The following LDLRAD3 variants were observed in gnomAD, a reference collection of about 807,000 sequenced individuals.
LDLRAD3 encodes low-density lipoprotein receptor class A domain-containing protein 3.
LDLRAD3 carries 20 observed loss-of-function variants against 29.4 expected under a neutral mutation model. The observed-to-expected ratio is 0.68, with a 90% confidence interval of 0.48 to 0.99. The LOEUF is 0.99. LDLRAD3 is among the 50% of genes least tolerant of loss of function. LDLRAD3 has a pLI of 0.00. For missense variants in LDLRAD3, 420 were observed against 454.3 expected, an observed-to-expected ratio of 0.92 and a Z score of 0.69; for synonymous variants, 157 against 192.7, an observed-to-expected ratio of 0.81 and a Z score of 1.53.
At chr11:36,031,155 T>C (rs2133205922) in intron 1 of LDLRAD3, among the ~76,000 whole-genome samples, 1 of 152,230 alleles carries the variant, frequency 6.6e-6, no homozygotes, top group South Asian at 2.1e-4. Context: ...AATGGGCAAC[T>C]CTTTTTCATT....
intron 4 of LDLRAD3, among the ~76,000 whole-genome samples, chr11:36,189,377 G>A (rs925636554): frequency 2.6e-5 from 4 of 152,040 alleles, no homozygotes; most frequent in Non-Finnish European, 4.4e-5. Context: ...CCAGCTACAT[G>A]AGAGGCTGAG....
chr11:36,085,176 T>G (rs1399051888), intron 3 of LDLRAD3, among the ~76,000 whole-genome samples: 1 of 152,182 alleles, frequency 6.6e-6, no homozygotes, highest in Non-Finnish European at 1.5e-5. Flanking sequence ...TCACCTTCAT[T>G]CCTAAAGGAT....
intron 4 of LDLRAD3, among the ~76,000 whole-genome samples, chr11:36,180,676 G>C (rs1329448027): frequency 6.6e-6 from 1 of 152,046 alleles, no homozygotes; most frequent in Non-Finnish European, 1.5e-5. Flanking sequence ...TCTGGCTGCT[G>C]TGTTGAGAAT....
chr11:35,963,370 A>G (rs1565127498), intron 1 of LDLRAD3, among the ~76,000 whole-genome samples: 1 of 151,892 alleles, frequency 6.6e-6, no homozygotes. Context: ...TGACAGTTAG[A>G]TGTCAGAACC....
At chr11:36,056,899 A>G (rs552729309) in intron 2 of LDLRAD3, among the ~76,000 whole-genome samples, 1 of 152,272 alleles carries the variant, frequency 6.6e-6, no homozygotes, top group Admixed American at 6.5e-5. Context: ...CAAACTTTAT[A>G]TGCATTCAAA....
intron 4 of LDLRAD3, among the ~76,000 whole-genome samples, chr11:36,109,230 CG>C (rs1565228981): frequency 1.3e-5 from 2 of 151,968 alleles, no homozygotes; most frequent in East Asian, 1.9e-4. Flanking sequence ...TTGTCATGGA[CG>C]GGGGAAGAAC....
At chr11:36,199,458 C>T (rs1392014295) in intron 4 of LDLRAD3, among the ~76,000 whole-genome samples, 1 of 152,176 alleles carries the variant, frequency 6.6e-6, no homozygotes, top group East Asian at 1.9e-4. Context: ...TCCTCCTCAT[C>T]TACTCAATAC....
intron 1 of LDLRAD3, among the ~76,000 whole-genome samples, chr11:35,997,075 C>T (rs1851764308): frequency 6.6e-6 from 1 of 152,158 alleles, no homozygotes; most frequent in Non-Finnish European, 1.5e-5. Flanking sequence ...ACATACAGCA[C>T]TTGGCATACA....
chr11:36,045,408 T>C (rs1377633236), intron 2 of LDLRAD3, among the ~76,000 whole-genome samples: 1 of 152,198 alleles, frequency 6.6e-6, no homozygotes, highest in Non-Finnish European at 1.5e-5. Flanking sequence ...CAACAGATAT[T>C]TATTCTTTCA....
chr11:36,198,001 T>G (rs1855060721), intron 4 of LDLRAD3: 1 of 152,126 alleles, frequency 6.6e-6, no homozygotes, highest in African/African-American at 2.4e-5. Context: ...CAGTGAGCTA[T>G]GTTTGTACTG....
chr11:36,121,191 G>A, intron 4 of LDLRAD3, among the ~76,000 whole-genome samples: 1 of 152,204 alleles, frequency 6.6e-6, no homozygotes, highest in East Asian at 1.9e-4. Context: ...TCCAGACAGA[G>A]CAGCAGTGGC....
intron 1 of LDLRAD3, among the ~76,000 whole-genome samples, chr11:36,016,575 C>T (rs943423957): frequency 3.3e-5 from 5 of 152,290 alleles, no homozygotes; most frequent in African/African-American, 1.2e-4. Flanking sequence ...TGGCCGCTTT[C>T]GTAAGTTCTC....
In LDLRAD3 at chr11:36,227,214, A is replaced by C; in HGVS notation, c.584A>C (p.His195Pro). The C allele has an allele frequency of 6.2e-7, 1 of 1,614,132 alleles. No homozygotes were observed. The highest frequency in any genetic ancestry group is 1.1e-5 in the South Asian group (1 of 91,078). ...LVVALLALVL[H>P]HQRKRNNLMT... ...GTGGCCCTGCTGGCACTGGTCTTGC[A>C]CCACCAGCGGAAGCGGAACAACCTC... Residue 195 changes from histidine (H) to proline (P), a missense_variant, in exon 5 of 6, where the codon CAC (histidine) becomes CCC (proline). By Grantham distance (77) the His-to-Pro change is moderately conservative. Around this residue, in one of 3 missense-constraint regions of LDLRAD3, gnomAD observed 56 missense variants for 92.2 expected, o/e 0.61. Transcript: ENST00000315571.
Position 36,001,900 on chromosome 11 carries a change from C to T in LDLRAD3, c.47-34203C>T, listed in dbSNP as rs369463402. On this transcript the variant is annotated intron_variant, in intron 1 of 5. Coordinates refer to ENST00000315571, the MANE Select transcript of LDLRAD3 (RefSeq NM_174902.4). ...TCACTCAGACTTTTTTACCCCAACT[C>T]TTTTGGTTAGTATAGTTTTAAAATT... Among the ~76,000 whole-genome samples the T allele has an allele frequency of 1.4e-4, 21 of 152,186 alleles. 1 individual carries two copies. The highest frequency in any genetic ancestry group is 4.8e-4 in the African/African-American group (20 of 41,518).
At chr11:36,019,489 A>C (rs970327152) in intron 1 of LDLRAD3, among the ~76,000 whole-genome samples, 8 of 152,190 alleles carry the variant, frequency 5.3e-5, no homozygotes. Flanking sequence ...ATAGGTAGAT[A>C]ACCTGGCCTC....
rs553664946 is a variant in LDLRAD3 at position 36,123,948 on chromosome 11, T to C, written c.454+25487T>C. 7.0e-4 allele frequency among the ~76,000 whole-genome samples: 107 copies of C among 152,336 alleles called. 1 individual carries two copies. The highest frequency in any genetic ancestry group is 1.0e-3 in the Non-Finnish European group (71 of 68,036). ...CTCAAAATTACCGTAAGTCAGCGCA[T>C]CCGAGTGAAGCCGGCAGCTGGACCT... On this transcript the variant is annotated intron_variant, in intron 4 of 5. Coordinates refer to ENST00000315571, the MANE Select transcript of LDLRAD3 (RefSeq NM_174902.4).
chr11:36,077,554 C>T (rs916529256), intron 2 of LDLRAD3, among the ~76,000 whole-genome samples: 1 of 152,216 alleles, frequency 6.6e-6, no homozygotes, highest in African/African-American at 2.4e-5. Context: ...AGCCACTGCA[C>T]AGCCAGGTAT....
At chr11:36,066,174 TC>T (rs370921983) in intron 2 of LDLRAD3, among the ~76,000 whole-genome samples, 2,517 of 151,834 alleles carry the variant, frequency 0.017, 56 homozygotes, top group African/African-American at 0.058. Flanking sequence ...TTTTTTTTTT[TC>T]TTACTTTTTT....
chr11:36,060,980 T>A (rs1340456724), intron 2 of LDLRAD3, among the ~76,000 whole-genome samples: 2 of 152,228 alleles, frequency 1.3e-5, no homozygotes, highest in African/African-American at 4.8e-5. Flanking sequence ...CTAACCACTG[T>A]GATGCTTCCT....
Sources: allele counts gnomAD v4.1 joint callset (sites outside exome capture counted in the v4.1 genomes callset), GRCh38; gene constraint gnomAD v4.1.1; regional missense constraint gnomAD v4.1.1; transcripts MANE v1.5; gene names NCBI Gene and HGNC (gene_info 2026-07-23, HGNC 2026-07-21).